TJP1: variants seen among roughly 807,000 people sequenced by gnomAD.
TJP1 encodes the protein tight junction protein ZO-1.
In TJP1, 43 loss-of-function variants were observed where a neutral mutation model predicts 194.2. The observed-to-expected ratio is 0.22, with a 90% CI of 0.17 to 0.29. TJP1 has a LOEUF of 0.29. Among genes scored for constraint, TJP1 ranks in the 10% least tolerant of loss-of-function variants. TJP1 has a pLI of 1.00. For synonymous variants in TJP1, 801 were observed against 779.0 expected (o/e 1.03, Z -0.47); for missense variants, 1,971 against 2,185.7 (o/e 0.90, Z 1.96).
At chr15:29,968,172 T>C (rs757732836) in intron 1 of TJP1, 1 of 985,438 alleles carries the variant, frequency 1.0e-6, no homozygotes, top group Non-Finnish European at 1.2e-6. Flanking sequence ...AATGCAATAA[T>C]AATTTCCCAA....
chr15:29,794,815 A>G (rs894948529), intron 2 of TJP1, among the ~76,000 whole-genome samples: 65 of 152,334 alleles, frequency 4.3e-4, no homozygotes, highest in Non-Finnish European at 1.3e-4. Flanking sequence ...CCAGTAAAAA[A>G]AACTATCAAA....
chr15:29,742,981 C>A (rs1398331637), intron 8 of TJP1, 200 bp from the exon 9 acceptor site: 1 of 396,716 alleles, frequency 2.5e-6, no homozygotes, highest in Admixed American at 4.6e-5. Flanking sequence ...GTAATAAAAT[C>A]GAAAATGAAG....
At chr15:29,914,567 A>T (rs955656006) in intron 2 of TJP1, among the ~76,000 whole-genome samples, 2 of 152,138 alleles carry the variant, frequency 1.3e-5, no homozygotes, top group Admixed American at 6.5e-5. Context: ...AGAGTGTCAG[A>T]TTCAGTCATG....
At chr15:29,754,269 G>A (rs963547205) in intron 8 of TJP1, among the ~76,000 whole-genome samples, 1 of 152,164 alleles carries the variant, frequency 6.6e-6, no homozygotes, top group Non-Finnish European at 1.5e-5. Flanking sequence ...ACGAATGCAG[G>A]AACAGAAAAC....
At chr15:29,703,601 C>T (rs2041695647) in intron 27 of TJP1, among the ~76,000 whole-genome samples, 1 of 152,064 alleles carries the variant, frequency 6.6e-6, no homozygotes, top group Admixed American at 6.6e-5. Context: ...CAGAATAAAT[C>T]ATTTTTCTGA....
In TJP1 at chr15:29,775,982, G is replaced by A. The variant is rs75770131; in HGVS notation, c.85-2625C>T. The stretch of plus-strand genomic sequence containing the variant: ...AACATGCAATATCCAGACAGCCTCA[G>A]TACAATATATTGTTTCAGAACACTG... On this transcript the variant is annotated intron_variant, in intron 2 of 27. Transcript: ENST00000614355. Among the ~76,000 whole-genome samples, 729 of 152,208 alleles carry A rather than the reference G, an allele frequency of 4.8e-3. 28 individuals are homozygous for A. The East Asian group carries it at 0.096, about 20-fold the overall frequency.
chr15:29,870,131 T>G (rs2052461940), intron 2 of TJP1, among the ~76,000 whole-genome samples: 1 of 148,800 alleles, frequency 6.7e-6, no homozygotes, highest in South Asian at 2.2e-4. Context: ...TGAGCCACTG[T>G]GCCTGTCCCT....
intron 2 of TJP1, among the ~76,000 whole-genome samples, chr15:29,875,071 T>TA (rs2052651696): frequency 6.6e-6 from 1 of 152,208 alleles, no homozygotes; most frequent in Admixed American, 6.5e-5. Context: ...TCCTATTACA[T>TA]AAAGATTTTT....
chr15:29,704,686 C>T (rs952598037), intron 26 of TJP1, among the ~76,000 whole-genome samples: 1 of 152,214 alleles, frequency 6.6e-6, no homozygotes, highest in Admixed American at 6.5e-5. Flanking sequence ...CACGTGCAGG[C>T]AGTGGCTACT....
chr15:29,847,767 A>G (rs764957248), intron 2 of TJP1, among the ~76,000 whole-genome samples: 2 of 152,220 alleles, frequency 1.3e-5, no homozygotes, highest in Non-Finnish European at 2.9e-5. Flanking sequence ...CCTGGGTGAC[A>G]GAGCTAGACT....
intron 2 of TJP1, among the ~76,000 whole-genome samples, chr15:29,919,485 G>A (rs2054288922): frequency 6.6e-6 from 1 of 152,238 alleles, no homozygotes; most frequent in African/African-American, 2.4e-5. Flanking sequence ...CTGTCCTGGT[G>A]CAGTTTTCAT....
chr15:29,779,994 A>G (rs1172570304), intron 2 of TJP1, among the ~76,000 whole-genome samples: 12 of 142,028 alleles, frequency 8.4e-5, no homozygotes, highest in East Asian at 2.5e-4. Flanking sequence ...CTCCCGAAGG[A>G]AAAAAAAAAA....
At chr15:29,790,568 G>A (rs370548287) in intron 2 of TJP1, among the ~76,000 whole-genome samples, 3 of 152,086 alleles carry the variant, frequency 2.0e-5, no homozygotes, top group African/African-American at 7.2e-5. Context: ...CACTCTTCTA[G>A]TTACTGTGAA....
chr15:29,895,939 T>C (rs1050895111), intron 2 of TJP1, among the ~76,000 whole-genome samples: 2 of 152,200 alleles, frequency 1.3e-5, no homozygotes, highest in Admixed American at 1.3e-4. Context: ...CTCTCTTATA[T>C]AGTGCCGCCT....
intron 2 of TJP1, among the ~76,000 whole-genome samples, chr15:29,830,553 T>C (rs994894081): frequency 6.6e-6 from 1 of 151,202 alleles, no homozygotes; most frequent in Non-Finnish European, 1.5e-5. Context: ...ATTATTACAC[T>C]AATATATATT....
intron 18 of TJP1, 119 bp from the exon 19 acceptor site, chr15:29,720,827 G>A (rs770770765): frequency 4.2e-5 from 33 of 785,630 alleles, no homozygotes; most frequent in Admixed American, 6.0e-5. Context: ...TCTACTTCTT[G>A]AAACTTCTGG....
chr15:29,709,078 A>T (rs753621977), intron 24 of TJP1, 42 bp from the exon 25 acceptor site: 2 of 1,553,278 alleles, frequency 1.3e-6, no homozygotes, highest in South Asian at 2.4e-5. Flanking sequence ...TTCTGAAAAA[A>T]GTTATAATAG....
chr15:29,755,987 A>T (rs2337169), intron 8 of TJP1, among the ~76,000 whole-genome samples: 20,026 of 151,978 alleles, frequency 0.13, 1,407 homozygotes, highest in South Asian at 0.15. Flanking sequence ...CCTCTAACAT[A>T]CAATGTTAGA....
intron 2 of TJP1, among the ~76,000 whole-genome samples, chr15:29,920,683 A>T (rs2054328999): frequency 6.6e-6 from 1 of 152,128 alleles, no homozygotes; most frequent in Non-Finnish European, 1.5e-5. Context: ...CGGCCACTGC[A>T]TGCCCACAGA....
Sources: allele counts gnomAD v4.1 joint callset (sites outside exome capture counted in the v4.1 genomes callset), GRCh38; gene constraint gnomAD v4.1.1; transcripts MANE v1.5; gene names NCBI Gene and HGNC (gene_info 2026-07-23, HGNC 2026-07-21).